USP34: variants seen among roughly 807,000 people sequenced by gnomAD.
USP34 encodes the protein ubiquitin specific peptidase 34, also known as ubiquitin carboxyl-terminal hydrolase 34.
A neutral mutation model predicts 460.3 loss-of-function variants in USP34; 70 were observed. That is an observed-to-expected ratio of 0.15 (90% CI 0.13 to 0.19). The LOEUF (loss-of-function observed/expected upper bound fraction) is 0.19. USP34 is among the 10% of genes least tolerant of loss of function. The pLI is 1.00. For synonymous variants in USP34, 1,647 were observed against 1,405.3 expected (o/e 1.17, Z -3.85); for missense variants, 3,985 against 4,236.2 (o/e 0.94, Z 1.65).
chr2:61,287,614 G>T (rs1355941695), intron 34 of USP34, among the ~76,000 whole-genome samples: 1 of 152,050 alleles, frequency 6.6e-6, no homozygotes, highest in East Asian at 1.9e-4. Context: ...CCTTTATGAT[G>T]ACCCATTTCC....
intron 18 of USP34, among the ~76,000 whole-genome samples, chr2:61,337,610 A>G (rs1190357495): frequency 6.6e-6 from 1 of 151,932 alleles, no homozygotes; most frequent in Non-Finnish European, 1.5e-5. Flanking sequence ...ACACACCACC[A>G]CATCTGGATA....
intron 1 of USP34, among the ~76,000 whole-genome samples, chr2:61,446,126 A>AC (rs1376339069): frequency 6.6e-6 from 1 of 151,560 alleles, no homozygotes; most frequent in African/African-American, 2.4e-5. Context: ...AAAAAAAAAA[A>AC]AAAAAAAACT....
chr2:61,467,619 T>TTG (rs1695813823), intron 1 of USP34, among the ~76,000 whole-genome samples: 1 of 140,274 alleles, frequency 7.1e-6, no homozygotes, highest in Admixed American at 7.2e-5. Context: ...GTAACTTTGT[T>TTG]TTTTTTTTTT....
intron 33 of USP34, among the ~76,000 whole-genome samples, chr2:61,290,623 C>G (rs541369831): frequency 6.6e-6 from 1 of 152,062 alleles, no homozygotes; most frequent in Non-Finnish European, 1.5e-5. Flanking sequence ...TCTATTGTAA[C>G]ACAAAGTGGA....
chr2:61,256,132 C>T (rs1428544934), intron 48 of USP34, among the ~76,000 whole-genome samples: 2 of 152,166 alleles, frequency 1.3e-5, no homozygotes, highest in African/African-American at 4.8e-5. Context: ...ACTTATCGTC[C>T]ATGTATCTGC....
At chr2:61,464,724 A>G (rs1695712957) in intron 1 of USP34, among the ~76,000 whole-genome samples, 1 of 151,438 alleles carries the variant, frequency 6.6e-6, no homozygotes, top group South Asian at 2.1e-4. Context: ...TCTCAAAAAA[A>G]AAAAAAAAAA....
intron 68 of USP34, 90 bp downstream of exon 68, chr2:61,213,970 C>G: frequency 6.8e-7 from 1 of 1,471,008 alleles, no homozygotes; most frequent in Non-Finnish European, 9.3e-7. Flanking sequence ...TGAGACTATT[C>G]TATATTCTGC....
rs1264780154 is a variant in USP34, at chr2:61,228,865, C to A, written c.7330G>T (p.Ala2444Ser). 1 of 1,603,594 alleles carries A rather than the reference C, an allele frequency of 6.2e-7. No individual in the cohort carries two copies. ...ATTTTTGCAAATTCGTAAAGGAAGG[C>A]AAAATACTCTGTAAGATGTTTACTG... ...PHSKHLTEYF[A>S]FLYEFAKMGE... is the part of the protein sequence containing the mutation. The change falls in exon 60 of 80, where the codon GCC (alanine) becomes TCC (serine). Residue 2444 changes from alanine to serine, a missense_variant. By Grantham distance (99) the Ala-to-Ser change is moderately conservative. Transcript: ENST00000398571.
rs1384670808 is a variant in USP34 at position 61,470,920 on chromosome 2, G to C, written c.-228C>G. 3.6e-5 allele frequency among the ~76,000 whole-genome samples: 5 copies of C among 140,362 alleles called. No individual in the cohort carries two copies. The highest frequency in any genetic ancestry group is 7.0e-5 in the Admixed American group (1 of 14,360). 92.1% of individuals were successfully genotyped at this position (140,362 alleles called of 152,430 possible). On this transcript the variant is annotated 5_prime_UTR_variant, in exon 1 of 80. Coordinates refer to ENST00000398571, the MANE Select transcript of USP34 (RefSeq NM_014709.4). ...GGAGGGGAGCGAGGGGAGGTGCGCA[G>C]GCCGGAGGGGCGCCGAGGCGCCGGC...
intron 53 of USP34, among the ~76,000 whole-genome samples, chr2:61,238,883 C>T (rs1688148444): frequency 1.3e-5 from 2 of 152,020 alleles, no homozygotes; most frequent in South Asian, 4.1e-4. Context: ...AGTCTATTGG[C>T]ACCATTTTTC....
intron 23 of USP34, 118 bp from the exon 24 acceptor site, chr2:61,315,092 T>C (rs1414198719): frequency 3.0e-6 from 2 of 662,066 alleles, no homozygotes; most frequent in African/African-American, 3.7e-5. Context: ...TATTAAATAA[T>C]AAAAATAAAT....
chr2:61,367,990 A>G (rs1249942404), intron 10 of USP34, among the ~76,000 whole-genome samples: 1 of 152,242 alleles, frequency 6.6e-6, no homozygotes, highest in African/African-American at 2.4e-5. Flanking sequence ...GCAAGTAAAA[A>G]TAAAGAAAAA....
In USP34 at chr2:61,420,689, C is replaced by T. The variant is rs533099186; in HGVS notation, c.131+57G>A. ...AAAAAGAAAATGTGACAATAAAAAT[C>T]GCAACTTATAACACAACTCACAAAA... On this transcript the variant is annotated intron_variant, in intron 2 of 79. Transcript: ENST00000398571. The T allele has an allele frequency of 1.2e-4, 161 of 1,331,564 alleles. 1 individual carries two copies. In the Middle Eastern group the frequency reaches 5.0e-3, roughly 42 times the overall value. The allele number at this position is 1,331,564 out of a possible 1,614,324, so 82.5% of individuals were successfully genotyped here.
In USP34 at chr2:61,214,693, A is replaced by G. The variant is rs777732572; in HGVS notation, c.8049T>C (p.Ser2683=). 1.9e-6 allele frequency: 3 copies of G among 1,613,256 alleles called. No homozygotes were observed. The African/African-American group carries it at 4.0e-5, about 22-fold the overall frequency. Residue 2683 remains serine, a splice_region_variant and synonymous_variant, in exon 68 of 80, where the codon TCT becomes TCC. Coordinates refer to ENST00000398571, the MANE Select transcript of USP34 (RefSeq NM_014709.4). ...LAHNYPRVRT[S]AAYLLVSLIP... ...TAAGGGACACCAGAAGATAAGCTGC[A>G]GCTATAAAATGTAAAACAAAACTGT...
chr2:61,283,867 A>C (rs973469335), intron 35 of USP34, among the ~76,000 whole-genome samples: 1 of 150,360 alleles, frequency 6.7e-6, no homozygotes, highest in Non-Finnish European at 1.5e-5. Flanking sequence ...GACTCACTGA[A>C]GAAGAGTCAA....
rs147544095 is a variant in USP34, at chr2:61,320,323, T to C, written c.3014-996A>G. Among the ~76,000 whole-genome samples the C allele has an allele frequency of 1.1e-3, 172 of 152,252 alleles. 2 individuals are homozygous for C. The East Asian group carries it at 0.029, about 25-fold the overall frequency. On this transcript the variant is annotated intron_variant, in intron 21 of 79. Transcript: ENST00000398571. ...GACCAGGAAGCCATTCCATTGCAGATTGCCCTCATACACACACCCATACTC... is the reference window on the plus strand; with the variant it reads ...GACCAGGAAGCCATTCCATTGCAGACTGCCCTCATACACACACCCATACTC...
chr2:61,196,892 G>A (rs970693757), intron 75 of USP34, among the ~76,000 whole-genome samples: 1 of 151,928 alleles, frequency 6.6e-6, no homozygotes, highest in Non-Finnish European at 1.5e-5. Context: ...GCACTACCAC[G>A]ACAAACAAAA....
intron 18 of USP34, among the ~76,000 whole-genome samples, chr2:61,336,379 C>T (rs1004214766): frequency 6.6e-6 from 1 of 151,958 alleles, no homozygotes; most frequent in African/African-American, 2.4e-5. Context: ...CCCCATCTCA[C>T]CCTCTCAAAG....
At chr2:61,271,899 A>AT (rs1195762304) in intron 41 of USP34, among the ~76,000 whole-genome samples, 1 of 152,216 alleles carries the variant, frequency 6.6e-6, no homozygotes, top group Non-Finnish European at 1.5e-5. Context: ...AGTGGAAGAG[A>AT]TTTTAAATAT....
Sources: gnomAD v4.1 joint callset for allele counts (sites outside exome capture counted in the v4.1 genomes callset) on GRCh38, gnomAD v4.1.1 for gene constraint, MANE v1.5 for transcripts, NCBI Gene and HGNC (gene_info 2026-07-23, HGNC 2026-07-21) for gene names.